The following CYFIP2 variants were observed in gnomAD, a reference collection of about 807,000 sequenced individuals.
CYFIP2 encodes the protein cytoplasmic FMR1 interacting protein 2.
CYFIP2 carries 29 observed loss-of-function variants against 158.7 expected under a neutral mutation model. That is an observed-to-expected ratio of 0.18 (90% CI 0.14 to 0.25). The LOEUF (loss-of-function observed/expected upper bound fraction) is 0.25, where lower values mean the gene tolerates loss of function less well. Among genes scored for constraint, CYFIP2 ranks in the 10% least tolerant of loss-of-function variants. The pLI is 1.00. For synonymous variants in CYFIP2, 585 were observed against 617.6 expected, an observed-to-expected ratio of 0.95 and a Z score of 0.78; for missense variants, 852 against 1,639.5, an observed-to-expected ratio of 0.52 and a Z score of 8.29.
rs1464317622 is a variant in CYFIP2, at chr5:157,395,075, A to AC, written c.*2077dup. On this transcript the variant is annotated 3_prime_UTR_variant, in exon 31 of 31. Coordinates refer to ENST00000620254, the MANE Select transcript of CYFIP2 (RefSeq NM_001037333.3). ...GATGAGATTTCTATTTCAATAACCC[A>AC]CCTCTCTCACCCCACATTCATATCC... The AC allele has an allele frequency of 6.4e-6, 1 of 155,922 alleles. No individual in the cohort carries two copies. Among genetic ancestry groups the AC allele is most frequent in the East Asian group, 1.9e-4 (1 of 5,228 alleles). 9.7% of individuals were successfully genotyped at this position (155,922 alleles called of 1,614,324 possible).
At chr5:157,355,842 T>TGAGC (rs1763372042) in intron 23 of CYFIP2, among the ~76,000 whole-genome samples, 1 of 152,142 alleles carries the variant, frequency 6.6e-6, no homozygotes, top group Non-Finnish European at 1.5e-5. Context: ...GGGCAGTCCA[T>TGAGC]GAGCACTATG....
intron 3 of CYFIP2, 145 bp downstream of exon 3, chr5:157,287,253 AC>A: frequency 1.6e-6 from 1 of 616,042 alleles, no homozygotes; most frequent in Non-Finnish European, 2.9e-6. Flanking sequence ...GCCCACTCTT[AC>A]ATTCTGCGCC....
intron 3 of CYFIP2, among the ~76,000 whole-genome samples, chr5:157,290,559 TG>T (rs11325362): frequency 0.55 from 83,523 of 151,986 alleles, 24,227 homozygotes; most frequent in East Asian, 0.71. Context: ...ATCAGCAAAT[TG>T]CCTCTTTCCA....
In CYFIP2 at chr5:157,314,450, A is replaced by G. The variant is rs1474295904; in HGVS notation, c.1217A>G (p.His406Arg). Residue 406 changes from histidine (H) to arginine (R), a missense_variant, in exon 12 of 31, where the codon CAC (histidine) becomes CGC (arginine). By Grantham distance (29) the His-to-Arg change is conservative (BLOSUM62 0). Around this residue, in one of 8 missense-constraint regions of CYFIP2, gnomAD observed 10 missense variants for 40.4 expected, o/e 0.25. Transcript: ENST00000620254. Reference protein sequence around the residue: ...GLQLLSKWSAHVMEVYSWKLV... With the variant: ...GLQLLSKWSARVMEVYSWKLV... ...CAGCTTCTATCCAAGTGGAGCGCCC[A>G]CGTCATGGAGGTGGTAGGTGTCTCT... 1 of 1,613,642 alleles carries G rather than the reference A, an allele frequency of 6.2e-7. No individual in the cohort carries two copies. Among genetic ancestry groups the G allele is most frequent in the Non-Finnish European group, 8.5e-7 (1 of 1,179,798 alleles).
intron 8 of CYFIP2, among the ~76,000 whole-genome samples, chr5:157,306,331 T>C (rs963940521): frequency 6.6e-6 from 1 of 152,182 alleles, no homozygotes; most frequent in Non-Finnish European, 1.5e-5. Flanking sequence ...TCACCACTGG[T>C]GCTTTGCCTG....
At chr5:157,286,552 G>GTATGTATATATATATATATATATATATA (rs1757398755) in intron 2 of CYFIP2, among the ~76,000 whole-genome samples, 1 of 138,124 alleles carries the variant, frequency 7.2e-6, no homozygotes, top group Admixed American at 7.2e-5. Flanking sequence ...GCTATTTTAT[G>GTATGTATATATATATATATATATATATA]TATATATATA....
chr5:157,302,854 T>C lies in CYFIP2; in HGVS notation c.630T>C (p.Leu210=). Residue 210 remains leucine, a synonymous_variant, in exon 7 of 31, where the codon CTT becomes CTC. Coordinates refer to ENST00000620254, the MANE Select transcript of CYFIP2 (RefSeq NM_001037333.3). ...DPQSIQESQN[L]SMFLANHNRI... ...AGTCTATCCAGGAGTCGCAGAACCTTTCCATGTTCCTGGCCAACCACAACA... is the reference window on the plus strand; with the variant it reads ...AGTCTATCCAGGAGTCGCAGAACCTCTCCATGTTCCTGGCCAACCACAACA... 1 of 1,585,728 alleles carries C rather than the reference T, an allele frequency of 6.3e-7. No homozygotes were observed. The highest frequency in any genetic ancestry group is 8.6e-7 in the Non-Finnish European group (1 of 1,165,596).
At chr5:157,343,433 T>C (rs779138397) in intron 23 of CYFIP2, 17 of 1,614,156 alleles carry the variant, frequency 1.1e-5, no homozygotes, top group Admixed American at 6.7e-5. Context: ...GCTGTTCCAG[T>C]TGGGCCTGTA....
chr5:157,271,999 C>T (rs1756139416), intron 1 of CYFIP2, among the ~76,000 whole-genome samples: 1 of 152,224 alleles, frequency 6.6e-6, no homozygotes, highest in South Asian at 2.1e-4. Context: ...CATGACTTCC[C>T]CTCCTGAGAG....
intron 21 of CYFIP2, among the ~76,000 whole-genome samples, 200 bp downstream of exon 21, chr5:157,333,646 A>G (rs1761647723): frequency 6.6e-6 from 1 of 152,330 alleles, no homozygotes; most frequent in African/African-American, 2.4e-5. Flanking sequence ...GAACGATAGC[A>G]TGGAGGGGGT....
At chr5:157,383,479 A>C (rs773501799) in intron 28 of CYFIP2, 120 bp downstream of exon 28, 25 of 864,202 alleles carry the variant, frequency 2.9e-5, no homozygotes, top group Non-Finnish European at 4.3e-5. Flanking sequence ...GACAATGTCC[A>C]ATACCCAAAA....
chr5:157,345,603 G>A (rs960092111), intron 23 of CYFIP2: 18 of 152,708 alleles, frequency 1.2e-4, no homozygotes, highest in African/African-American at 4.1e-4. Flanking sequence ...TTAAAGCTGA[G>A]AGAATGGGGC....
chr5:157,379,892 T>C (rs1765883187), intron 26 of CYFIP2: 1 of 152,116 alleles, frequency 6.6e-6, no homozygotes, highest in African/African-American at 2.4e-5. Flanking sequence ...TGCAGGAGAC[T>C]GGAGTTTCAT....
chr5:157,375,468 A>T (rs1765372521), intron 26 of CYFIP2, among the ~76,000 whole-genome samples: 2 of 152,110 alleles, frequency 1.3e-5, no homozygotes, highest in East Asian at 3.9e-4. Flanking sequence ...GAAACCATGT[A>T]TCTTTGGATT....
At chr5:157,369,434 A>G (rs902064316) in intron 26 of CYFIP2, among the ~76,000 whole-genome samples, 5 of 152,218 alleles carry the variant, frequency 3.3e-5, no homozygotes, top group Non-Finnish European at 7.3e-5. Flanking sequence ...TCATTAGCGT[A>G]TCCTCAACAC....
intron 26 of CYFIP2, among the ~76,000 whole-genome samples, chr5:157,368,450 T>A (rs888824978): frequency 6.6e-6 from 1 of 152,070 alleles, no homozygotes; most frequent in East Asian, 1.9e-4. Flanking sequence ...AAAAAACTCC[T>A]CCAGCTGCCC....
At chr5:157,280,096 T>A (rs968296019) in intron 1 of CYFIP2, among the ~76,000 whole-genome samples, 3 of 152,240 alleles carry the variant, frequency 2.0e-5, no homozygotes, top group African/African-American at 7.2e-5. Context: ...ATTTATTTGC[T>A]TTGTAGGTTG....
chr5:157,312,353 C>G (rs1256930308), intron 11 of CYFIP2, among the ~76,000 whole-genome samples: 1 of 150,288 alleles, frequency 6.7e-6, no homozygotes, highest in African/African-American at 2.5e-5. Context: ...GAGACATGAT[C>G]AGCGCACAAA....
chr5:157,281,574 T>A (rs1756991544), intron 1 of CYFIP2, among the ~76,000 whole-genome samples: 1 of 152,226 alleles, frequency 6.6e-6, no homozygotes, highest in South Asian at 2.1e-4. Context: ...TCAGGGCTCT[T>A]CCAGCACATC....
Sources: gnomAD v4.1 joint callset for allele counts (sites outside exome capture counted in the v4.1 genomes callset) on GRCh38, gnomAD v4.1.1 for gene constraint, gnomAD v4.1.1 regional missense constraint, MANE v1.5 for transcripts, NCBI Gene and HGNC (gene_info 2026-07-23, HGNC 2026-07-21) for gene names.